The following SYTL3 variants were observed in gnomAD, a reference collection of about 807,000 sequenced individuals.
SYTL3 encodes the protein synaptotagmin-like protein 3.
In SYTL3, 88 loss-of-function variants were observed where a neutral mutation model predicts 82.1. That is an observed-to-expected ratio of 1.07 (90% CI 0.90 to 1.28). The LOEUF (loss-of-function observed/expected upper bound fraction) is 1.28. Among genes scored for constraint, SYTL3 ranks in the 50% most tolerant of loss-of-function variants. The pLI, the probability that SYTL3 is intolerant of heterozygous loss-of-function variation, is 0.00. For synonymous variants in SYTL3, 311 were observed against 289.4 expected, an observed-to-expected ratio of 1.07 and a Z score of -0.76; for missense variants, 831 against 757.6, an observed-to-expected ratio of 1.10 and a Z score of -1.14.
At chr6:158,740,789 A>G (rs557296245) in intron 11 of SYTL3, among the ~76,000 whole-genome samples, 1 of 152,344 alleles carries the variant, frequency 6.6e-6, no homozygotes, top group Middle Eastern at 3.4e-3. Flanking sequence ...ATTTTATATA[A>G]TTATAACTTG....
chr6:158,705,679 G>A lies in SYTL3; in HGVS notation c.395-1551G>A, dbSNP rs550686506. The stretch of plus-strand genomic sequence containing the variant: ...AAGGTCACATAGACCTGGGGACAGG[G>A]TGACAGTGAGGGCTGTAAGGTCACA... On this transcript the variant is annotated intron_variant, in intron 6 of 17. Transcript: ENST00000611299. 7.2e-4 allele frequency among the ~76,000 whole-genome samples: 109 copies of A among 151,920 alleles called. 3 individuals are homozygous for A. The South Asian group carries it at 0.021, about 29-fold the overall frequency.
At chr6:158,671,694 G>A (rs1289157567) in intron 5 of SYTL3, among the ~76,000 whole-genome samples, 1 of 151,290 alleles carries the variant, frequency 6.6e-6, no homozygotes, top group African/African-American at 2.4e-5. Flanking sequence ...CTGGAACCTG[G>A]GAGGCGGAGG....
intron 3 of SYTL3, among the ~76,000 whole-genome samples, chr6:158,662,065 C>G (rs984615474): frequency 2.0e-5 from 3 of 152,050 alleles, no homozygotes; most frequent in Non-Finnish European, 4.4e-5. Context: ...TACCTTAGAG[C>G]TCTGTTAGCC....
In SYTL3 at chr6:158,663,027, A is replaced by G. The variant is rs938049180; in HGVS notation, c.-242A>G. 2.5e-6 allele frequency: 1 copy of G among 406,478 alleles called. No homozygotes were observed. Among genetic ancestry groups the G allele is most frequent in the Non-Finnish European group, 4.4e-6 (1 of 225,790 alleles). 25.2% of individuals were successfully genotyped at this position (406,478 alleles called of 1,614,324 possible). A position where few individuals can be genotyped will look rare whatever the true frequency, so the allele number is the denominator to read the frequency against. Reference sequence around the variant, plus strand: ...GTGAAAACACCCCCCGGGTAGCACGAGGCTCTGCGAGCCGTAACTCCGACA... The same window carrying G: ...GTGAAAACACCCCCCGGGTAGCACGGGGCTCTGCGAGCCGTAACTCCGACA... On this transcript the variant is annotated 5_prime_UTR_variant, in exon 4 of 18. Transcript: ENST00000611299.
At chr6:158,760,079 G>T (rs761047290) in intron 14 of SYTL3, among the ~76,000 whole-genome samples, 1 of 151,828 alleles carries the variant, frequency 6.6e-6, no homozygotes, top group Non-Finnish European at 1.5e-5. Context: ...TCTCTTTCCC[G>T]GCCCTCTCTT....
At chr6:158,702,022 G>T (rs1005951429) in intron 6 of SYTL3, among the ~76,000 whole-genome samples, 1 of 151,976 alleles carries the variant, frequency 6.6e-6, no homozygotes, top group Non-Finnish European at 1.5e-5. Context: ...ACTCAGGCTG[G>T]AGTGCAGTGC....
At chr6:158,749,933 C>G (rs79028437) in intron 12 of SYTL3, among the ~76,000 whole-genome samples, 91 of 152,302 alleles carry the variant, frequency 6.0e-4, no homozygotes, top group African/African-American at 2.2e-3. Flanking sequence ...TACCCTATCA[C>G]TCCTGGTTAT....
intron 10 of SYTL3, among the ~76,000 whole-genome samples, chr6:158,719,885 T>A (rs1291889135): frequency 6.6e-6 from 1 of 151,526 alleles, no homozygotes; most frequent in Non-Finnish European, 1.5e-5. Flanking sequence ...AGCCAAGGAG[T>A]TGGAGACCAG....
At chr6:158,659,402 C>G (rs1031656499) in intron 2 of SYTL3, among the ~76,000 whole-genome samples, 1 of 152,158 alleles carries the variant, frequency 6.6e-6, no homozygotes, top group Non-Finnish European at 1.5e-5. Flanking sequence ...GTTGCCCAGG[C>G]TGGAGTGCGA....
At chr6:158,741,884 C>T (rs976944356) in intron 11 of SYTL3, among the ~76,000 whole-genome samples, 3 of 152,174 alleles carry the variant, frequency 2.0e-5, no homozygotes, top group African/African-American at 4.8e-5. Flanking sequence ...AGCAACTTCT[C>T]GTGTAGTTGT....
intron 5 of SYTL3, among the ~76,000 whole-genome samples, chr6:158,678,380 A>G (rs1431163201): frequency 6.6e-6 from 1 of 152,158 alleles, no homozygotes; most frequent in Non-Finnish European, 1.5e-5. Flanking sequence ...CATCATGCTG[A>G]CTTTTCTTGG....
At chr6:158,677,705 CAAAAAAAAAAAA>C (rs56865775) in intron 5 of SYTL3, among the ~76,000 whole-genome samples, 2 of 68,116 alleles carry the variant, frequency 2.9e-5, no homozygotes, top group South Asian at 5.1e-4. Flanking sequence ...AACTCTGTCT[CAAAAAAAAAAAA>C]AAAAAAAAAA....
chr6:158,708,459 C>T, intron 8 of SYTL3, 68 bp downstream of exon 8: 1 of 1,475,608 alleles, frequency 6.8e-7, no homozygotes, highest in East Asian at 2.3e-5. Flanking sequence ...AGCAGGGGAG[C>T]TTTCGAGGCT....
At chr6:158,674,535 G>A (rs916487677) in intron 5 of SYTL3, among the ~76,000 whole-genome samples, 1 of 152,232 alleles carries the variant, frequency 6.6e-6, no homozygotes, top group Admixed American at 6.5e-5. Flanking sequence ...AGAAAGCCAG[G>A]TTGAGCGGTT....
Position 158,762,154 on chromosome 6 carries a change from G to A in SYTL3, c.1493G>A (p.Gly498Asp). The A allele has an allele frequency of 1.2e-6, 2 of 1,613,520 alleles. No homozygotes were observed. The highest frequency in any genetic ancestry group is 3.3e-4 in the Middle Eastern group (2 of 6,058). Residue 498 changes from glycine (G) to aspartate (D), a missense_variant, in exon 16 of 18, where the codon GGC becomes GAC. Physicochemically the swap from Gly to Asp is moderately conservative, Grantham distance 94. Transcript: ENST00000611299. Reference protein sequence around the residue: ...GAKNLPVRPDGTLNSFVKGCL... With the variant: ...GAKNLPVRPDDTLNSFVKGCL... ...AAGAATTTACCTGTGCGGCCAGATG[G>A]CACCTTGAACTCATTTGTTAAGGGG...
At chr6:158,711,087 C>G (rs763090556) in intron 8 of SYTL3, among the ~76,000 whole-genome samples, 1 of 152,168 alleles carries the variant, frequency 6.6e-6, no homozygotes, top group Non-Finnish European at 1.5e-5. Flanking sequence ...GCCAGGTCTA[C>G]GCATTTTGTA....
chr6:158,741,413 G>T (rs893153556), intron 11 of SYTL3, among the ~76,000 whole-genome samples: 1 of 152,186 alleles, frequency 6.6e-6, no homozygotes. Flanking sequence ...GCAGTAGGGC[G>T]TTGTCATGGA....
intron 12 of SYTL3, among the ~76,000 whole-genome samples, chr6:158,748,805 A>G (rs776821302): frequency 2.6e-5 from 4 of 151,398 alleles, no homozygotes; most frequent in Non-Finnish European, 5.9e-5. Context: ...AGGTCACACC[A>G]TTGCACTCCA....
At chr6:158,756,354 C>A (rs912474097) in intron 13 of SYTL3, among the ~76,000 whole-genome samples, 2 of 152,246 alleles carry the variant, frequency 1.3e-5, no homozygotes, top group African/African-American at 4.8e-5. Flanking sequence ...CCCTCCAGGG[C>A]AAACACGTGG....
Sources: allele counts gnomAD v4.1 joint callset (sites outside exome capture counted in the v4.1 genomes callset), GRCh38; gene constraint gnomAD v4.1.1; transcripts MANE v1.5; gene names NCBI Gene and HGNC (gene_info 2026-07-23, HGNC 2026-07-21).